The following KMT2C variants were observed in gnomAD, a reference collection of about 807,000 sequenced individuals.
KMT2C encodes lysine methyltransferase 2C.
Under a neutral mutation model 507.9 loss-of-function variants are expected in KMT2C, and 88 were observed. The observed-to-expected ratio is 0.17, with a 90% CI of 0.15 to 0.21. The LOEUF (loss-of-function observed/expected upper bound fraction) is 0.21. Among genes scored for constraint, KMT2C ranks in the 10% least tolerant of loss-of-function variants. The pLI is 1.00. For synonymous variants in KMT2C, 2,049 were observed against 2,080.8 expected (o/e 0.98, Z 0.42); for missense variants, 4,954 against 5,957.8 (o/e 0.83, Z 5.55).
chr7:152,224,351 G>T, intron 19 of KMT2C, 84 bp downstream of exon 19: 1 of 1,389,070 alleles, frequency 7.2e-7, no homozygotes, highest in South Asian at 1.3e-5. Flanking sequence ...CAATTAAATA[G>T]GTGTGGCTAA....
intron 3 of KMT2C, among the ~76,000 whole-genome samples, chr7:152,319,155 G>C (rs1192224949): frequency 2.6e-5 from 4 of 152,064 alleles, no homozygotes; most frequent in Admixed American, 1.3e-4. Context: ...GAATTTCTGT[G>C]GGCAGCAAGC....
chr7:152,356,894 A>AAAGAAT (rs1554673243), intron 2 of KMT2C, among the ~76,000 whole-genome samples: 10 of 72,186 alleles, frequency 1.4e-4, no homozygotes, highest in Non-Finnish European at 1.8e-4. Context: ...TCCAACTCAA[A>AAAGAAT]AAGAATAATA....
intron 1 of KMT2C, among the ~76,000 whole-genome samples, chr7:152,416,671 C>T (rs571311602): frequency 3.1e-4 from 46 of 150,110 alleles, no homozygotes; most frequent in African/African-American, 1.1e-3. Flanking sequence ...TTGCAGTAAG[C>T]GGAGATCATG....
chr7:152,415,696 T>C (rs1397937452), intron 1 of KMT2C, among the ~76,000 whole-genome samples: 1 of 151,956 alleles, frequency 6.6e-6, no homozygotes, highest in African/African-American at 2.4e-5. Flanking sequence ...CTGGCCAACA[T>C]AGTGAAAACC....
chr7:152,326,775 G>A (rs2096832437), intron 3 of KMT2C, among the ~76,000 whole-genome samples: 1 of 152,136 alleles, frequency 6.6e-6, no homozygotes, highest in Non-Finnish European at 1.5e-5. Flanking sequence ...CAGCTACTTG[G>A]GAGGCTGAGG....
At chr7:152,254,734 A>T (rs2095617487) in intron 9 of KMT2C, among the ~76,000 whole-genome samples, 1 of 152,202 alleles carries the variant, frequency 6.6e-6, no homozygotes, top group Non-Finnish European at 1.5e-5. Context: ...CAAGCATTGA[A>T]ACAAATGAAA....
intron 1 of KMT2C, among the ~76,000 whole-genome samples, chr7:152,405,280 T>TTTTTTTTTAA (rs1564135326): frequency 6.7e-6 from 1 of 149,730 alleles, no homozygotes; most frequent in Non-Finnish European, 1.5e-5. Context: ...TTTTTTTTTT[T>TTTTTTTTTAA]TTTCTGCCCA....
intron 38 of KMT2C, among the ~76,000 whole-genome samples, chr7:152,175,317 T>A (rs2093152127): frequency 6.6e-6 from 1 of 152,034 alleles, no homozygotes; most frequent in South Asian, 2.1e-4. Flanking sequence ...AGCTAATTTT[T>A]TGTTATTTTT....
Position 152,162,167 on chromosome 7 carries a change from A to T in KMT2C, c.11410T>A (p.Cys3804Ser), listed in dbSNP as rs1457074938. The change falls in exon 43 of 59, where the codon TGT becomes AGT. Residue 3804 changes from cysteine (C) to serine (S), a missense_variant. Around this residue, in one of 29 missense-constraint regions of KMT2C, gnomAD observed 801 missense variants for 751.2 expected, o/e 1.07. Coordinates refer to ENST00000262189, the MANE Select transcript of KMT2C (RefSeq NM_170606.3). The part of the protein sequence containing the change: ...PEGSICSEDD[C>S]TKDNKLVEKQ... ...TCAACTAGTTTATTATCCTTTGTAC[A>T]GTCATCTTCTGAACAAATACTGCCC... 2 of 1,607,592 alleles carry T rather than the reference A, an allele frequency of 1.2e-6. No individual in the cohort carries two copies. Among genetic ancestry groups the T allele is most frequent in the East Asian group, 4.5e-5 (2 of 44,878 alleles).
chr7:152,373,755 T>G (rs1044918266), intron 1 of KMT2C, among the ~76,000 whole-genome samples: 4 of 152,138 alleles, frequency 2.6e-5, no homozygotes, highest in African/African-American at 7.2e-5. Flanking sequence ...TAGAAATAAT[T>G]ATTCTACTGT....
At position 152,329,871 on chromosome 7, in the gene KMT2C, T is replaced by C. The variant is rs544745695; in HGVS notation, c.389+730A>G. Reference sequence around the variant, plus strand: ...ATACAATGATATATTACAGGCCCAGTGTAGTGGCTCATGCCTGTAATCCCA... The same window carrying C: ...ATACAATGATATATTACAGGCCCAGCGTAGTGGCTCATGCCTGTAATCCCA... On this transcript the variant is annotated intron_variant, in intron 3 of 58. Coordinates refer to ENST00000262189, the MANE Select transcript of KMT2C (RefSeq NM_170606.3). Among the ~76,000 whole-genome samples the C allele has an allele frequency of 2.6e-5, 4 of 151,952 alleles. No homozygotes were observed. The East Asian group carries it at 7.8e-4, about 30-fold the overall frequency.
intron 16 of KMT2C, among the ~76,000 whole-genome samples, chr7:152,233,304 T>A (rs963219995): frequency 6.6e-6 from 1 of 152,214 alleles, no homozygotes; most frequent in African/African-American, 2.4e-5. Flanking sequence ...AAATACGTGC[T>A]ATTGTTGCCT....
At chr7:152,252,207 G>A in intron 10 of KMT2C, 117 bp from the exon 11 acceptor site, 1 of 706,430 alleles carries the variant, frequency 1.4e-6, no homozygotes. Context: ...TGAGAGGAGA[G>A]AGGTTAGAGG....
At chr7:152,349,174 G>A (rs562573842) in intron 2 of KMT2C, among the ~76,000 whole-genome samples, 9 of 152,260 alleles carry the variant, frequency 5.9e-5, no homozygotes, top group African/African-American at 1.2e-4. Context: ...GGCTGGGCGC[G>A]GTGACTCACG....
intron 49 of KMT2C, among the ~76,000 whole-genome samples, chr7:152,152,214 G>A (rs527411680): frequency 3.9e-5 from 6 of 152,358 alleles, no homozygotes; most frequent in South Asian, 4.1e-4. Flanking sequence ...GTCTAAGGAA[G>A]TTGTTCCATT....
At chr7:152,367,942 C>T in intron 1 of KMT2C, 1 of 950,520 alleles carries the variant, frequency 1.1e-6, no homozygotes, top group South Asian at 1.3e-5. Context: ...AAAGCAGACA[C>T]ACTTATACCA....
intron 37 of KMT2C, among the ~76,000 whole-genome samples, chr7:152,179,102 T>C (rs996379365): frequency 1.4e-4 from 22 of 152,354 alleles, no homozygotes; most frequent in Middle Eastern, 3.4e-3. Context: ...GTGATCCTTT[T>C]GTCTCAGCCT....
intron 3 of KMT2C, among the ~76,000 whole-genome samples, chr7:152,317,686 T>TTCATGTACCTCATTAGATG (rs2096733456): frequency 6.6e-6 from 1 of 152,174 alleles, no homozygotes; most frequent in Admixed American, 6.5e-5. Flanking sequence ...AAGGCTCCTC[T>TTCATGTACCTCATTAGATG]TCATGTACCT....
rs772864510 is a variant in KMT2C at position 152,163,432 on chromosome 7, C to T, written c.10145G>A (p.Arg3382Gln). 8.7e-6 allele frequency: 14 copies of T among 1,614,028 alleles called. No individual in the cohort carries two copies. The highest frequency in any genetic ancestry group is 2.2e-5 in the East Asian group (1 of 44,902). ...GGGATTGTTGTCATCAAATTCTACC[C>T]GAGGTGGTGGTCCACTCTGTGGATT... ...NANPQSGPPP[R>Q]VEFDDNNPFS... The change falls in exon 43 of 59, where the codon CGG becomes CAG. Residue 3382 changes from arginine (R) to glutamine (Q), a missense_variant. By Grantham distance (43) the Arg-to-Gln change is conservative. Coordinates refer to ENST00000262189, the MANE Select transcript of KMT2C (RefSeq NM_170606.3).
Sources: gnomAD v4.1 joint callset for allele counts (sites outside exome capture counted in the v4.1 genomes callset) on GRCh38, gnomAD v4.1.1 for gene constraint, gnomAD v4.1.1 regional missense constraint, MANE v1.5 for transcripts, NCBI Gene and HGNC (gene_info 2026-07-23, HGNC 2026-07-21) for gene names.